AK2: variants seen among roughly 807,000 people sequenced by gnomAD.
AK2 encodes the protein adenylate kinase 2, mitochondrial.
Under a neutral mutation model 24.6 loss-of-function variants are expected in AK2, and 15 were observed. The ratio of observed to expected loss-of-function variants is 0.61; its 90% CI spans 0.41 to 0.94. The LOEUF (loss-of-function observed/expected upper bound fraction) is 0.94. AK2 is among the 40% of genes least tolerant of loss of function. AK2 has a pLI of 0.00. For missense variants in AK2, 257 were observed against 304.1 expected (o/e 0.85, Z 1.15); for synonymous variants, 102 against 114.0 (o/e 0.90, Z 0.67).
intron 1 of AK2, among the ~76,000 whole-genome samples, chr1:33,033,077 G>A (rs1266241134): frequency 5.3e-5 from 8 of 151,450 alleles, no homozygotes; most frequent in South Asian, 2.1e-4. Context: ...GCAGAATGGC[G>A]TGAATCCGGG....
At chr1:33,013,941 T>C (rs1301256524) in intron 5 of AK2, among the ~76,000 whole-genome samples, 4 of 152,210 alleles carry the variant, frequency 2.6e-5, no homozygotes, top group African/African-American at 9.7e-5. Flanking sequence ...CTCTGGAACC[T>C]GTATTTATAG....
chr1:33,022,427 C>T (rs976272262), intron 2 of AK2, among the ~76,000 whole-genome samples: 1 of 150,810 alleles, frequency 6.6e-6, no homozygotes, highest in Non-Finnish European at 1.5e-5. Flanking sequence ...ACAATCTCCC[C>T]TCACTGCAAC....
intron 5 of AK2, among the ~76,000 whole-genome samples, chr1:33,013,854 A>G (rs1163954807): frequency 6.6e-6 from 1 of 152,232 alleles, no homozygotes; most frequent in Admixed American, 6.5e-5. Context: ...TCAACATTCT[A>G]AAAGTGGCAA....
At chr1:33,013,625 A>G (rs1638991007) in intron 5 of AK2, among the ~76,000 whole-genome samples, 1 of 152,132 alleles carries the variant, frequency 6.6e-6, no homozygotes. Context: ...TTTGTCAGAA[A>G]CACCAACTGT....
Position 33,021,440 on chromosome 1 carries a change from T to G in AK2, c.352A>C (p.Arg118=). The part of the protein sequence containing the change: ...AEMLDDLMEK[R]KEKLDSVIEF... ...ATCACAGAATCAAGCTTCTCTTTCC[T>G]CTTCTCCATGAGGTCATCGAGCTGT... is the stretch of plus-strand genomic sequence containing the variant. The change falls in exon 4 of 6, where the codon AGG becomes CGG. Residue 118 remains arginine, a synonymous_variant. Coordinates refer to ENST00000672715, the MANE Select transcript of AK2 (RefSeq NM_001625.4). 1 of 1,614,150 alleles carries G rather than the reference T, an allele frequency of 6.2e-7. No homozygotes were observed. Among genetic ancestry groups the G allele is most frequent in the African/African-American group, 1.3e-5 (1 of 75,042 alleles).
In AK2 at chr1:33,013,202, T is replaced by C; in HGVS notation, c.699A>G (p.Lys233=). The C allele has an allele frequency of 6.2e-7, 1 of 1,614,058 alleles. No homozygotes were observed. The highest frequency in any genetic ancestry group is 8.5e-7 in the Non-Finnish European group (1 of 1,179,956). Residue 233 remains lysine, a synonymous_variant, in exon 6 of 6, where the codon AAA becomes AAG. Transcript: ENST00000672715. Reference sequence around the variant, plus strand: ...AACATTAGATAAACATAACCAAGTCTTTACATGTGGCTTTGGAGAAGGCTG... The same window carrying C: ...AACATTAGATAAACATAACCAAGTCCTTACATGTGGCTTTGGAGAAGGCTG... ...ILAAFSKATC[K]DLVMFI
At chr1:33,025,592 G>A (rs137882229) in intron 1 of AK2, among the ~76,000 whole-genome samples, 83 of 152,326 alleles carry the variant, frequency 5.4e-4, no homozygotes, top group Non-Finnish European at 7.2e-4. Flanking sequence ...ACTAGTTTTA[G>A]GAGGCATTAT....
At chr1:33,025,675 T>C (rs1372964135) in intron 1 of AK2, among the ~76,000 whole-genome samples, 1 of 152,224 alleles carries the variant, frequency 6.6e-6, no homozygotes, top group Admixed American at 6.5e-5. Context: ...CTAACCATTA[T>C]GTAAAATTGA....
intron 1 of AK2, among the ~76,000 whole-genome samples, chr1:33,028,805 T>A (rs2124368475): frequency 6.6e-6 from 1 of 152,246 alleles, no homozygotes; most frequent in Non-Finnish European, 1.5e-5. Flanking sequence ...CAAATTTCAG[T>A]GTATTATCAA....
intron 4 of AK2, among the ~76,000 whole-genome samples, chr1:33,018,695 A>G (rs1639346863): frequency 6.6e-6 from 1 of 151,992 alleles, no homozygotes; most frequent in Non-Finnish European, 1.5e-5. Flanking sequence ...TCTCTCTTTC[A>G]CCCTTTACAG....
At chr1:33,029,619 C>T (rs947397492) in intron 1 of AK2, 1 of 152,158 alleles carries the variant, frequency 6.6e-6, no homozygotes, top group Non-Finnish European at 1.5e-5. Flanking sequence ...CGTCATGTTG[C>T]CCAGGCTGGT....
intron 4 of AK2, among the ~76,000 whole-genome samples, chr1:33,015,026 G>C (rs1051184914): frequency 2.0e-5 from 3 of 152,188 alleles, no homozygotes; most frequent in African/African-American, 7.2e-5. Context: ...GACAAATGTG[G>C]AAATAAATAA....
chr1:33,011,907 G>A lies in AK2; in HGVS notation c.*1274C>T. 1 of 1,531,842 alleles carries A rather than the reference G, an allele frequency of 6.5e-7. No individual in the cohort carries two copies. The highest frequency in any genetic ancestry group is 8.7e-7 in the Non-Finnish European group (1 of 1,145,664). 94.9% of individuals were successfully genotyped at this position (1,531,842 alleles called of 1,614,324 possible). A position where few individuals can be genotyped will look rare whatever the true frequency, so the allele number is the denominator to read the frequency against. ...GGTGAAGGGTTGGATCTAGAAAGGA[G>A]AGGGTTTGGGCTTAAAAAGAACATA... On this transcript the variant is annotated 3_prime_UTR_variant, in exon 6 of 6. Transcript: ENST00000672715.
chr1:33,022,082 T>C (rs990325011), intron 2 of AK2, among the ~76,000 whole-genome samples: 2 of 152,054 alleles, frequency 1.3e-5, no homozygotes, highest in African/African-American at 2.4e-5. Flanking sequence ...TTATCAGCAA[T>C]CAGTGATCCT....
rs1469074925 is a variant in AK2 at position 33,021,675 on chromosome 1, A to G, written c.248T>C (p.Ile83Thr). ...LVSDEMVVEL[I>T]EKNLETPLCK... ...CAAGGGGGTCTCCAAATTCTTCTCA[A>G]TGAGCTCCACTACCATTTCATCACT... The change falls in exon 3 of 6, where the codon ATT becomes ACT. Residue 83 changes from isoleucine to threonine, a missense_variant. Ile to Thr is a moderately conservative substitution (Grantham distance 89). Coordinates refer to ENST00000672715, the MANE Select transcript of AK2 (RefSeq NM_001625.4). The G allele has an allele frequency of 1.2e-6, 2 of 1,614,086 alleles. No individual in the cohort carries two copies. Among genetic ancestry groups the G allele is most frequent in the South Asian group, 2.2e-5 (2 of 91,078 alleles).
chr1:33,027,107 G>A (rs925070398), intron 1 of AK2, among the ~76,000 whole-genome samples: 21 of 152,170 alleles, frequency 1.4e-4, no homozygotes, highest in African/African-American at 4.6e-4. Flanking sequence ...GCAAGACTAC[G>A]TCTCAAACAA....
chr1:33,009,664 T>C lies in AK2; in HGVS notation c.*3517A>G, dbSNP rs1162481326. 2.2e-6 allele frequency: 1 copy of C among 454,104 alleles called. No homozygotes were observed. The allele number at this position is 454,104 out of a possible 1,614,324, so 28.1% of individuals were successfully genotyped here. On this transcript the variant is annotated 3_prime_UTR_variant, in exon 6 of 6. Transcript: ENST00000672715. ...CAGTGAATAACTAACTGGCTGGGAT[T>C]TGTCCTAGGTCCCCTGAACTCCAAG...
chr1:33,014,291 A>G, intron 5 of AK2: 1 of 416,032 alleles, frequency 2.4e-6, no homozygotes, highest in South Asian at 2.0e-5. Context: ...TGGGCACTGC[A>G]AAAAGCTAGC....
rs1638708022 is a variant in AK2, at chr1:33,010,111, C to A, written c.*3070G>T. 2.2e-6 allele frequency: 1 copy of A among 454,318 alleles called. No individual in the cohort carries two copies. Among genetic ancestry groups the A allele is most frequent in the South Asian group, 1.6e-5 (1 of 64,486 alleles). The allele number at this position is 454,318 out of a possible 1,614,324, so 28.1% of individuals were successfully genotyped here. ...CTTGCTCATTTATTTAAAAGAGTCC[C>A]TTCACACAGTGCAGATAAAAGAAGG... On this transcript the variant is annotated 3_prime_UTR_variant, in exon 6 of 6. Transcript: ENST00000672715.
Sources: gnomAD v4.1 joint callset for allele counts (sites outside exome capture counted in the v4.1 genomes callset) on GRCh38, gnomAD v4.1.1 for gene constraint, MANE v1.5 for transcripts, NCBI Gene and HGNC (gene_info 2026-07-23, HGNC 2026-07-21) for gene names.